The following TRIM5 variants were observed in gnomAD, a reference collection of about 807,000 sequenced individuals.
TRIM5 encodes the protein tripartite motif-containing protein 5.
In TRIM5, 31 loss-of-function variants were observed where a neutral mutation model predicts 35.6. The observed-to-expected ratio is 0.87, with a 90% confidence interval of 0.65 to 1.18. TRIM5 has a LOEUF of 1.18. Ranked by LOEUF, TRIM5 falls within the 50% of genes most tolerant of loss-of-function variation. TRIM5 has a pLI of 0.00. For missense variants in TRIM5, 609 were observed against 591.6 expected (o/e 1.03, Z -0.31); for synonymous variants, 243 against 215.6 (o/e 1.13, Z -1.11).
chr11:5,613,565 G>T, the TRIM5 span, among the ~76,000 whole-genome samples: 1 of 152,294 alleles, frequency 6.6e-6, no homozygotes, highest in African/African-American at 2.4e-5. Flanking sequence ...AGCTGACTGG[G>T]ACCTATGGGG....
the TRIM5 span, among the ~76,000 whole-genome samples, chr11:5,616,862 C>T: frequency 1.2e-4 from 17 of 143,030 alleles, 2 homozygotes; most frequent in African/African-American, 4.3e-4. Context: ...GCCTCAGCCT[C>T]CCAAGTACCT....
chr11:5,642,089 C>T, the TRIM5 span, among the ~76,000 whole-genome samples: 17 of 152,280 alleles, frequency 1.1e-4, no homozygotes, highest in Middle Eastern at 0.01. Flanking sequence ...GTAGCAAAGT[C>T]TTTTCCTATC....
the TRIM5 span, among the ~76,000 whole-genome samples, chr11:5,628,049 T>C: frequency 1.3e-5 from 2 of 152,238 alleles, no homozygotes; most frequent in South Asian, 4.1e-4. Flanking sequence ...TTCCCTTCTC[T>C]ACCTCCCTGA....
chr11:5,673,370 A>G (rs994211241), intron 4 of TRIM5, among the ~76,000 whole-genome samples: 4 of 152,156 alleles, frequency 2.6e-5, no homozygotes, highest in African/African-American at 9.6e-5. Context: ...TCAATATGTC[A>G]AGAAGAAATA....
chr11:5,604,590 G>T, the TRIM5 span: 1 of 1,613,344 alleles, frequency 6.2e-7, no homozygotes. Flanking sequence ...AAGCTGAGAA[G>T]CTAACAGCTT....
chr11:5,602,299 C>T, the TRIM5 span, among the ~76,000 whole-genome samples: 1 of 151,936 alleles, frequency 6.6e-6, no homozygotes, highest in African/African-American at 2.4e-5. Context: ...AAAAATTAGC[C>T]GGACATAGTG....
chr11:5,614,921 T>C, the TRIM5 span, among the ~76,000 whole-genome samples: 1 of 152,222 alleles, frequency 6.6e-6, no homozygotes, highest in South Asian at 2.1e-4. Flanking sequence ...TTTGTATATA[T>C]AGCACTTAGA....
chr11:5,651,551 C>T, the TRIM5 span, among the ~76,000 whole-genome samples: 1 of 152,092 alleles, frequency 6.6e-6, no homozygotes, highest in East Asian at 1.9e-4. Context: ...CATTGATGGC[C>T]ATTTAGGTTG....
the TRIM5 span, among the ~76,000 whole-genome samples, chr11:5,649,197 C>A: frequency 3.9e-5 from 6 of 152,148 alleles, no homozygotes; most frequent in Non-Finnish European, 5.9e-5. Context: ...TATGTAACAC[C>A]AACCACACTG....
At chr11:5,659,760 T>C (rs1850750490), downstream of TRIM5, among the ~76,000 whole-genome samples, 1 of 152,112 alleles carries the variant, frequency 6.6e-6, no homozygotes, top group Non-Finnish European at 1.5e-5. Context: ...AGCCTTTTTT[T>C]TTTTTCAGGT....
the TRIM5 span, chr11:5,608,251 G>C: frequency 7.0e-7 from 1 of 1,432,732 alleles, no homozygotes; most frequent in Non-Finnish European, 9.4e-7. Flanking sequence ...CTACTTTGTG[G>C]CCTCCACATT....
chr11:5,593,905 C>A, the TRIM5 span, among the ~76,000 whole-genome samples: 1 of 152,132 alleles, frequency 6.6e-6, no homozygotes, highest in African/African-American at 2.4e-5. Flanking sequence ...CCTCTGGATC[C>A]CACATACTTG....
the TRIM5 span, chr11:5,643,653 T>C: frequency 6.2e-7 from 1 of 1,613,888 alleles, no homozygotes; most frequent in Admixed American, 1.7e-5. Flanking sequence ...TGTTTATCCA[T>C]ATTTCAATCC....
At chr11:5,645,147 T>C in the TRIM5 span, among the ~76,000 whole-genome samples, 16 of 152,152 alleles carry the variant, frequency 1.1e-4, no homozygotes, top group African/African-American at 3.6e-4. Flanking sequence ...CAGCCAGCAC[T>C]TTGGGAGGCC....
chr11:5,630,697 G>A, the TRIM5 span, among the ~76,000 whole-genome samples: 3 of 152,090 alleles, frequency 2.0e-5, no homozygotes, highest in African/African-American at 7.2e-5. Context: ...ATCTTGGATA[G>A]TTCTCTATTT....
At chr11:5,656,369 T>A in the TRIM5 span, among the ~76,000 whole-genome samples, 1 of 151,802 alleles carries the variant, frequency 6.6e-6, no homozygotes, top group East Asian at 1.9e-4. Flanking sequence ...TTTTTTTTTT[T>A]TTGAGAAAGA....
the TRIM5 span, among the ~76,000 whole-genome samples, chr11:5,648,442 G>C: frequency 2.2e-5 from 1 of 44,856 alleles, no homozygotes; most frequent in Non-Finnish European, 5.9e-5. Context: ...GGAGGTGGAG[G>C]TTGCAGTGAG....
chr11:5,667,743 A>C, intron 4 of TRIM5, 32 bp from the exon 5 acceptor site: 1 of 1,611,484 alleles, frequency 6.2e-7, no homozygotes, highest in East Asian at 2.2e-5. Flanking sequence ...TCAATTAAGA[A>C]AGAAAGAGTC....
chr11:5,615,933 AT>A, the TRIM5 span, among the ~76,000 whole-genome samples: 22,739 of 121,246 alleles, frequency 0.19, 1,699 homozygotes, highest in East Asian at 0.31. Context: ...ATATCTTTTC[AT>A]TTTTTTTTTT....
Sources: gnomAD v4.1 joint callset for allele counts (sites outside exome capture counted in the v4.1 genomes callset) on GRCh38, gnomAD v4.1.1 for gene constraint, MANE v1.5 for transcripts, NCBI Gene and HGNC (gene_info 2026-07-23, HGNC 2026-07-21) for gene names.